Variants in GNAT3 observed in about 807,000 individuals in gnomAD.
The protein encoded by GNAT3 is G protein subunit alpha transducin 3.
Under a neutral mutation model 37.7 loss-of-function variants are expected in GNAT3, and 31 were observed. The observed-to-expected ratio is 0.82, with a 90% CI of 0.62 to 1.11. The LOEUF (loss-of-function observed/expected upper bound fraction) is 1.11, where lower values mean the gene tolerates loss of function less well. Among genes scored for constraint, GNAT3 ranks in the 50% most tolerant of loss-of-function variants. The pLI, the probability that GNAT3 is intolerant of heterozygous loss-of-function variation, is 0.00. For missense variants in GNAT3, 437 were observed against 412.5 expected, an observed-to-expected ratio of 1.06 and a Z score of -0.51; for synonymous variants, 138 against 139.8, an observed-to-expected ratio of 0.99 and a Z score of 0.09.
intron 1 of GNAT3, among the ~76,000 whole-genome samples, chr7:80,498,573 T>G (rs78700727): frequency 0.021 from 3,202 of 152,258 alleles, 119 homozygotes; most frequent in African/African-American, 0.072. Context: ...AATAAATTAT[T>G]GAGCCCCATT....
At chr7:80,484,546 GT>G (rs1207298406) in intron 3 of GNAT3, among the ~76,000 whole-genome samples, 1 of 151,990 alleles carries the variant, frequency 6.6e-6, no homozygotes, top group Non-Finnish European at 1.5e-5. Flanking sequence ...TAGTAAAAGT[GT>G]TACAATTTTC....
intron 2 of GNAT3, among the ~76,000 whole-genome samples, chr7:80,492,862 A>G (rs2047667442): frequency 6.6e-6 from 1 of 151,762 alleles, no homozygotes; most frequent in Non-Finnish European, 1.5e-5. Flanking sequence ...TCAATTTACT[A>G]CAATGAAAAA....
intron 3 of GNAT3, among the ~76,000 whole-genome samples, chr7:80,486,177 T>A (rs933745254): frequency 1.3e-5 from 2 of 152,178 alleles, no homozygotes; most frequent in African/African-American, 4.8e-5. Flanking sequence ...CTGAAACTGA[T>A]AGAGTTCACA....
rs946161181 is a variant in GNAT3, at chr7:80,504,311, TA to T, written c.118+7497del. Among the ~76,000 whole-genome samples the T allele has an allele frequency of 6.6e-5, 10 of 150,650 alleles. 1 individual carries two copies. Among genetic ancestry groups the T allele is most frequent in the Admixed American group, 6.6e-5 (1 of 15,100 alleles). Reference sequence around the variant, plus strand: ...AGCCTGGGTGAAAAGACCCTGTCTTTAAAAAAAAAGAGAGAGAAAATTATTG... The same window carrying T: ...AGCCTGGGTGAAAAGACCCTGTCTTTAAAAAAAAGAGAGAGAAAATTATTG... On this transcript the variant is annotated intron_variant, in intron 1 of 7. Transcript: ENST00000398291.
chr7:80,483,248 T>C (rs1790421691), intron 3 of GNAT3, among the ~76,000 whole-genome samples: 1 of 152,118 alleles, frequency 6.6e-6, no homozygotes. Flanking sequence ...GTTGTTATTT[T>C]TTTAACCATA....
intron 5 of GNAT3, among the ~76,000 whole-genome samples, chr7:80,472,109 C>T (rs535943707): frequency 6.6e-6 from 1 of 151,960 alleles, no homozygotes; most frequent in Non-Finnish European, 1.5e-5. Flanking sequence ...AATAAAGAAG[C>T]AAGGCAATCT....
chr7:80,492,760 C>A (rs986621680), intron 2 of GNAT3, among the ~76,000 whole-genome samples: 3 of 151,372 alleles, frequency 2.0e-5, no homozygotes, highest in East Asian at 3.9e-4. Context: ...TTTATAAATT[C>A]TCTGTAATAT....
intron 3 of GNAT3, among the ~76,000 whole-genome samples, chr7:80,482,570 G>A (rs1438652960): frequency 6.6e-6 from 1 of 151,276 alleles, no homozygotes; most frequent in African/African-American, 2.4e-5. Context: ...CTGGAGTGCA[G>A]TGGCACAACC....
chr7:80,469,895 T>A (rs926419069), intron 5 of GNAT3, among the ~76,000 whole-genome samples: 1 of 152,212 alleles, frequency 6.6e-6, no homozygotes, highest in African/African-American at 2.4e-5. Flanking sequence ...ATTAAAGGAT[T>A]AATATATCTT....
At chr7:80,511,661 C>A in intron 1 of GNAT3, 148 bp downstream of exon 1, 1 of 544,538 alleles carries the variant, frequency 1.8e-6, no homozygotes, top group Non-Finnish European at 3.3e-6. Context: ...TGATAGAGTA[C>A]AAATAAATTT....
chr7:80,461,689 C>T (rs1488331587), intron 7 of GNAT3, among the ~76,000 whole-genome samples: 1 of 152,026 alleles, frequency 6.6e-6, no homozygotes, highest in East Asian at 1.9e-4. Flanking sequence ...ACTAAAATTC[C>T]AGGATCCACG....
At chr7:80,480,899 G>T (rs1298080219) in intron 3 of GNAT3, among the ~76,000 whole-genome samples, 1 of 151,938 alleles carries the variant, frequency 6.6e-6, no homozygotes, top group Non-Finnish European at 1.5e-5. Context: ...TAACTGTCTG[G>T]GAATGAAGCC....
At chr7:80,474,637 A>G (rs1197042170) in intron 4 of GNAT3, among the ~76,000 whole-genome samples, 1 of 152,182 alleles carries the variant, frequency 6.6e-6, no homozygotes, top group Non-Finnish European at 1.5e-5. Flanking sequence ...TGCAGAATGC[A>G]GAGTGCTGAA....
intron 1 of GNAT3, among the ~76,000 whole-genome samples, chr7:80,496,729 G>A (rs1790723943): frequency 6.6e-6 from 1 of 152,054 alleles, no homozygotes; most frequent in African/African-American, 2.4e-5. Context: ...ATGAGATTTT[G>A]TCCTTTGTAC....
chr7:80,493,132 T>C (rs991475030), intron 2 of GNAT3, among the ~76,000 whole-genome samples: 2 of 152,158 alleles, frequency 1.3e-5, no homozygotes, highest in African/African-American at 4.8e-5. Context: ...TTAAAAGTTT[T>C]ATTTTTTACG....
At chr7:80,498,590 A>G (rs1790776469) in intron 1 of GNAT3, among the ~76,000 whole-genome samples, 1 of 152,152 alleles carries the variant, frequency 6.6e-6, no homozygotes, top group South Asian at 2.1e-4. Context: ...CATTCTCACA[A>G]TAATTCTAGG....
chr7:80,492,564 G>C (rs1790614779), intron 2 of GNAT3, among the ~76,000 whole-genome samples: 1 of 151,404 alleles, frequency 6.6e-6, no homozygotes, highest in Admixed American at 6.6e-5. Context: ...ATTTTAATTT[G>C]TGGCACTTTA....
chr7:80,483,670 A>G lies in GNAT3; in HGVS notation c.304-4672T>C, dbSNP rs115214579. On this transcript the variant is annotated intron_variant, in intron 3 of 7. Transcript: ENST00000398291. ...CACCAAGACTCAAGATGCACTGAAC[A>G]ATTTGTTGCTCCTTGAACTCACCAA... 5.4e-3 allele frequency among the ~76,000 whole-genome samples: 816 copies of G among 151,588 alleles called. 5 individuals are homozygous for G. The highest frequency in any genetic ancestry group is 0.019 in the African/African-American group (777 of 41,350).
At chr7:80,500,230 CT>C (rs78207604) in intron 1 of GNAT3, among the ~76,000 whole-genome samples, 382 of 143,760 alleles carry the variant, frequency 2.7e-3, no homozygotes, top group Non-Finnish European at 2.7e-3. Context: ...AGTTTGCCTC[CT>C]TTTTTTTTTT....
Sources: allele counts gnomAD v4.1 joint callset (sites outside exome capture counted in the v4.1 genomes callset), GRCh38; gene constraint gnomAD v4.1.1; transcripts MANE v1.5; gene names NCBI Gene and HGNC (gene_info 2026-07-23, HGNC 2026-07-21).